The following TDRD12 variants were observed in gnomAD, a reference collection of about 807,000 sequenced individuals.
TDRD12 encodes putative ATP-dependent RNA helicase TDRD12.
TDRD12 carries 158 observed loss-of-function variants against 133.5 expected under a neutral mutation model. That is an observed-to-expected ratio of 1.18 (90% confidence interval 1.04 to 1.35). TDRD12 has a LOEUF of 1.35. TDRD12 is among the 40% of genes most tolerant of loss of function. The pLI is 0.00. For missense variants in TDRD12, 1,443 were observed against 1,321.3 expected (o/e 1.09, Z -1.43); for synonymous variants, 460 against 477.9 (o/e 0.96, Z 0.49).
At chr19:32,811,606 A>C (rs945490450) in intron 24 of TDRD12, among the ~76,000 whole-genome samples, 186 bp downstream of exon 24, 5 of 152,210 alleles carry the variant, frequency 3.3e-5, no homozygotes, top group African/African-American at 1.2e-4. Context: ...GGCAGCTGCA[A>C]CACTGTCTTC....
chr19:32,826,401 T>C (rs3746022), intron 8 of TDRD12, 44 bp downstream of exon 30: 673,400 of 1,239,534 alleles, frequency 0.54, 187,061 homozygotes, highest in East Asian at 0.86. Context: ...GAAATAATTT[T>C]TAGCATTTTA....
At chr19:32,773,647 A>G (rs1163847549) in intron 10 of TDRD12, 115 bp downstream of exon 10, 5 of 769,426 alleles carry the variant, frequency 6.5e-6, no homozygotes, top group African/African-American at 3.4e-5. Context: ...TCAGTGAGCT[A>G]TGATCGTACC....
chr19:32,806,976 T>C (rs1971569322), intron 21 of TDRD12, among the ~76,000 whole-genome samples: 1 of 152,180 alleles, frequency 6.6e-6, no homozygotes, highest in Admixed American at 6.5e-5. Flanking sequence ...ATACTGACTT[T>C]TAAAACGGCA....
chr19:32,767,354 C>T (rs1039502481), intron 8 of TDRD12, among the ~76,000 whole-genome samples: 1 of 151,888 alleles, frequency 6.6e-6, no homozygotes, highest in Non-Finnish European at 1.5e-5. Flanking sequence ...GTCTGGAACT[C>T]CTGACCTCAG....
chr19:32,789,117 C>T (rs1159855601), intron 11 of TDRD12, among the ~76,000 whole-genome samples: 1 of 152,142 alleles, frequency 6.6e-6, no homozygotes, highest in African/African-American at 2.4e-5. Flanking sequence ...AGAGGTTCCC[C>T]CCTCTGCCAC....
downstream of TDRD12, among the ~76,000 whole-genome samples, chr19:32,823,373 C>A (rs915991588): frequency 6.6e-6 from 1 of 151,784 alleles, no homozygotes; most frequent in Non-Finnish European, 1.5e-5. Context: ...TTTCCCCACA[C>A]AGCTTTTTTT....
At chr19:32,821,289 C>G (rs1416086203), downstream of TDRD12, 1 of 721,536 alleles carries the variant, frequency 1.4e-6, no homozygotes, top group African/African-American at 1.8e-5. Flanking sequence ...ACAGGTCAGC[C>G]CCCAGTGTTT....
chr19:32,821,189 G>A, exon 28 of TDRD12: 1 of 1,412,780 alleles, frequency 7.1e-7, no homozygotes, highest in Non-Finnish European at 9.6e-7. Context: ...GTTAATGTCT[G>A]GAAAATTGCT....
At position 32,817,422 on chromosome 19, in the gene TDRD12, G is replaced by A. The variant is rs566042264; in HGVS notation, c.3315-667G>A. Among the ~76,000 whole-genome samples the A allele has an allele frequency of 2.2e-4, 34 of 152,176 alleles. No homozygotes were observed. The South Asian group carries it at 4.8e-3, about 21-fold the overall frequency. On this transcript the variant is annotated intron_variant, in intron 26 of 27. Coordinates refer to ENST00000444215, the Ensembl canonical transcript of TDRD12. ...AGTGTAAGGTCCTCAAGGTCCACAC[G>A]TGTTGCAGCCCGGGTCAGATTTCCT...
intron 8 of TDRD12, among the ~76,000 whole-genome samples, chr19:32,762,876 G>A (rs1447660275): frequency 1.3e-5 from 2 of 152,178 alleles, no homozygotes; most frequent in African/African-American, 4.8e-5. Context: ...CCTACATGGT[G>A]CAGCCTACTA....
chr19:32,790,876 A>G (rs951017150), intron 12 of TDRD12, 88 bp from the exon 13 acceptor site: 69 of 1,478,976 alleles, frequency 4.7e-5, no homozygotes, highest in East Asian at 2.2e-4. Flanking sequence ...ATTGAAATCT[A>G]TATTTTCTTC....
chr19:32,744,805 C>G (rs377400842), intron 4 of TDRD12, among the ~76,000 whole-genome samples: 31 of 152,214 alleles, frequency 2.0e-4, no homozygotes, highest in Non-Finnish European at 4.3e-4. Context: ...TCTCCCTTCC[C>G]GGGACGATGG....
chr19:32,748,931 C>A (rs1969738402), intron 5 of TDRD12, among the ~76,000 whole-genome samples: 1 of 152,200 alleles, frequency 6.6e-6, no homozygotes, highest in Admixed American at 6.5e-5. Flanking sequence ...ATATTCATTA[C>A]TTCTAATTTA....
At chr19:32,744,992 G>A (rs548056139) in intron 4 of TDRD12, among the ~76,000 whole-genome samples, 8 of 152,070 alleles carry the variant, frequency 5.3e-5, no homozygotes, top group Non-Finnish European at 7.4e-5. Flanking sequence ...TCACTCTTGC[G>A]GCTGGCGTGG....
intron 11 of TDRD12, among the ~76,000 whole-genome samples, chr19:32,788,582 A>G (rs993590772): frequency 6.6e-6 from 1 of 151,940 alleles, no homozygotes; most frequent in Admixed American, 6.6e-5. Flanking sequence ...AGTTTCTCTC[A>G]TTTCTCTAAG....
chr19:32,743,190 C>T (rs1206923031), intron 4 of TDRD12, among the ~76,000 whole-genome samples: 1 of 152,242 alleles, frequency 6.6e-6, no homozygotes, highest in East Asian at 1.9e-4. Context: ...TACATGTGTA[C>T]ACGCGCACGC....
chr19:32,796,370 C>T (rs78292507), intron 14 of TDRD12, among the ~76,000 whole-genome samples: 9,509 of 152,118 alleles, frequency 0.063, 576 homozygotes, highest in African/African-American at 0.15. Context: ...AGGCGGATCA[C>T]GAGATCGAGA....
chr19:32,735,936 C>T lies in TDRD12; in HGVS notation c.184-2920C>T, dbSNP rs149661059. Among the ~76,000 whole-genome samples, 550 of 152,242 alleles carry T rather than the reference C, an allele frequency of 3.6e-3. 2 individuals carry two copies. The highest frequency in any genetic ancestry group is 0.013 in the African/African-American group (538 of 41,540). On this transcript the variant is annotated intron_variant, in intron 2 of 27. Coordinates refer to ENST00000444215, the Ensembl canonical transcript of TDRD12. ...AGTGAGCTGAGATGGCACCACTGCACTCCAGCCTGGGTGACAGAGAGAGAC... is the reference window on the plus strand; with the variant it reads ...AGTGAGCTGAGATGGCACCACTGCATTCCAGCCTGGGTGACAGAGAGAGAC...
chr19:32,801,193 C>G (rs1188558879), intron 18 of TDRD12, among the ~76,000 whole-genome samples: 1 of 147,634 alleles, frequency 6.8e-6, no homozygotes, highest in African/African-American at 2.5e-5. Context: ...TAGTGAAACC[C>G]TGTCTCTACG....
Sources: allele counts gnomAD v4.1 joint callset (sites outside exome capture counted in the v4.1 genomes callset), GRCh38; gene constraint gnomAD v4.1.1; transcripts MANE v1.5; gene names NCBI Gene and HGNC (gene_info 2026-07-23, HGNC 2026-07-21).